The following TNRC6A variants were observed in gnomAD, a reference collection of about 807,000 sequenced individuals.
TNRC6A encodes trinucleotide repeat-containing gene 6A protein.
TNRC6A carries 44 observed loss-of-function variants against 221.2 expected under a neutral mutation model. That is an observed-to-expected ratio of 0.20 (90% CI 0.16 to 0.26). TNRC6A has a LOEUF of 0.26. Among genes scored for constraint, TNRC6A ranks in the 10% least tolerant of loss-of-function variants. The pLI is 1.00. For synonymous variants in TNRC6A, 847 were observed against 838.5 expected, an observed-to-expected ratio of 1.01 and a Z score of -0.18; for missense variants, 2,199 against 2,404.4, an observed-to-expected ratio of 0.91 and a Z score of 1.79.
intron 2 of TNRC6A, among the ~76,000 whole-genome samples, chr16:24,742,129 C>G (rs1395374544): frequency 6.6e-6 from 1 of 152,228 alleles, no homozygotes; most frequent in South Asian, 2.1e-4. Context: ...AGCCACCACA[C>G]CTAGTCCCAC....
chr16:24,706,000 G>A (rs1228742591), intron 2 of TNRC6A, among the ~76,000 whole-genome samples: 1 of 152,178 alleles, frequency 6.6e-6, no homozygotes, highest in Non-Finnish European at 1.5e-5. Context: ...AGTCAGTAAT[G>A]TAGTTGGTTA....
chr16:24,653,145 A>G (rs942136043), intron 2 of TNRC6A, among the ~76,000 whole-genome samples: 2 of 152,212 alleles, frequency 1.3e-5, no homozygotes, highest in Non-Finnish European at 2.9e-5. Context: ...ACTGGAATGA[A>G]CAAATCTATA....
chr16:24,647,972 A>G (rs1902382594), intron 2 of TNRC6A, among the ~76,000 whole-genome samples: 1 of 151,938 alleles, frequency 6.6e-6, no homozygotes, highest in Non-Finnish European at 1.5e-5. Context: ...ACCATACAGT[A>G]TTTATCCTCT....
intron 4 of TNRC6A, among the ~76,000 whole-genome samples, chr16:24,772,761 C>T (rs756096654): frequency 3.9e-5 from 6 of 152,134 alleles, no homozygotes; most frequent in Non-Finnish European, 5.9e-5. Context: ...CCAGCCTGAG[C>T]GAGACTCTTG....
chr16:24,689,355 G>A (rs1023691210), intron 2 of TNRC6A, among the ~76,000 whole-genome samples: 1 of 152,164 alleles, frequency 6.6e-6, no homozygotes, highest in Non-Finnish European at 1.5e-5. Context: ...ATTTGAGACC[G>A]GAGGCTTGGC....
chr16:24,808,806 C>G (rs1218748163), intron 17 of TNRC6A, among the ~76,000 whole-genome samples: 1 of 152,150 alleles, frequency 6.6e-6, no homozygotes, highest in African/African-American at 2.4e-5. Context: ...TTAGGTGATT[C>G]TAATATTAAT....
chr16:24,811,056 C>T (rs147192486), intron 18 of TNRC6A, among the ~76,000 whole-genome samples: 82 of 152,176 alleles, frequency 5.4e-4, no homozygotes, highest in African/African-American at 1.7e-3. Context: ...AATAGGTGTT[C>T]GCCGTAAATC....
At chr16:24,661,824 G>C (rs1267359992) in intron 2 of TNRC6A, 2 of 152,170 alleles carry the variant, frequency 1.3e-5, no homozygotes, top group Non-Finnish European at 2.9e-5. Context: ...TTAATGCCCA[G>C]TGTGGCAAGG....
At chr16:24,658,921 A>G (rs1434696021) in intron 2 of TNRC6A, among the ~76,000 whole-genome samples, 1 of 149,718 alleles carries the variant, frequency 6.7e-6, no homozygotes, top group Non-Finnish European at 1.5e-5. Context: ...CGATCCTCCC[A>G]CCTCAGCCTC....
intron 13 of TNRC6A, 66 bp from the exon 14 acceptor site, chr16:24,804,948 A>G: frequency 1.2e-5 from 19 of 1,613,944 alleles, no homozygotes; most frequent in Non-Finnish European, 1.6e-5. Flanking sequence ...ATCATAGTAC[A>G]GTGTGGTAAT....
chr16:24,812,271 C>T (rs1208418739), intron 18 of TNRC6A, among the ~76,000 whole-genome samples: 2 of 151,874 alleles, frequency 1.3e-5, no homozygotes, highest in South Asian at 2.1e-4. Context: ...AGGCTGGTCT[C>T]GTTCTCCTGA....
chr16:24,627,971 A>G (rs916439149), intron 1 of TNRC6A, among the ~76,000 whole-genome samples: 2 of 150,566 alleles, frequency 1.3e-5, no homozygotes, highest in African/African-American at 4.9e-5. Context: ...TGCTGGGATT[A>G]CAGGCATGAG....
At position 24,777,215 on chromosome 16, in the gene TNRC6A, T is replaced by C. The variant is rs1334489070; in HGVS notation, c.446T>C (p.Leu149Pro). Residue 149 changes from leucine (L) to proline (P), a missense_variant, in exon 5 of 25, where the codon CTA (leucine) becomes CCA (proline). Leu to Pro is a moderately conservative substitution (Grantham distance 98). Around this residue, in one of 8 missense-constraint regions of TNRC6A, gnomAD observed 1,405 missense variants for 1,400.2 expected, o/e 1.00. Transcript: ENST00000395799. ...CGCCACCAGGAACACAAACAGCTTCTAAAGAGGGGTCAGCATTTTCCTGTT... is the reference window on the plus strand; with the variant it reads ...CGCCACCAGGAACACAAACAGCTTCCAAAGAGGGGTCAGCATTTTCCTGTT... ...RFRHQEHKQL[L>P]KRGQHFPVIA... is the part of the protein sequence containing the mutation. The C allele has an allele frequency of 2.5e-6, 4 of 1,614,018 alleles. No individual in the cohort carries two copies. The highest frequency in any genetic ancestry group is 1.3e-5 in the African/African-American group (1 of 74,884).
intron 2 of TNRC6A, among the ~76,000 whole-genome samples, chr16:24,737,750 T>A (rs1348263276): frequency 1.3e-5 from 2 of 152,226 alleles, no homozygotes; most frequent in Admixed American, 6.5e-5. Context: ...TTGAGCAGTT[T>A]GCTGCAATAA....
In TNRC6A at chr16:24,789,551, T is replaced by C. The variant is rs2058050239; in HGVS notation, c.909T>C (p.Asn303=). Residue 303 remains asparagine, a synonymous_variant, in exon 6 of 25, where the codon AAT becomes AAC. Transcript: ENST00000395799. The part of the protein sequence containing the change: ...NKFVVGSSSN[N]VGHGSSTGPW... ...TTGTAGTTGGTAGCAGCAGCAATAA[T>C]GTGGGCCATGGAAGTAGTACTGGGC... 1 of 1,614,122 alleles carries C rather than the reference T, an allele frequency of 6.2e-7. No homozygotes were observed.
At chr16:24,796,065 C>A in intron 9 of TNRC6A, 126 bp downstream of exon 9, 1 of 1,015,144 alleles carries the variant, frequency 9.9e-7, no homozygotes, top group Non-Finnish European at 1.5e-6. Context: ...GATTCAAATA[C>A]ACTAAGATAT....
chr16:24,616,869 C>T (rs1050588933), intron 1 of TNRC6A, among the ~76,000 whole-genome samples: 3 of 151,870 alleles, frequency 2.0e-5, no homozygotes, highest in Non-Finnish European at 2.9e-5. Flanking sequence ...TGCAGTGAGC[C>T]GAGATCATGC....
intron 2 of TNRC6A, among the ~76,000 whole-genome samples, chr16:24,687,954 CT>C (rs770651349): frequency 2.5e-4 from 18 of 70,612 alleles, no homozygotes; most frequent in East Asian, 1.7e-3. Context: ...CTTTTCTTTT[CT>C]TTTTTTTTTT....
chr16:24,776,247 C>A, intron 4 of TNRC6A: 1 of 984,052 alleles, frequency 1.0e-6, no homozygotes, highest in Non-Finnish European at 1.2e-6. Flanking sequence ...CAAAAATTTC[C>A]CTATTTGCAG....
Sources: allele counts gnomAD v4.1 joint callset (sites outside exome capture counted in the v4.1 genomes callset), GRCh38; gene constraint gnomAD v4.1.1; regional missense constraint gnomAD v4.1.1; transcripts MANE v1.5; gene names NCBI Gene and HGNC (gene_info 2026-07-23, HGNC 2026-07-21).